The following NBAS variants were observed in gnomAD, a reference collection of about 807,000 sequenced individuals.
The protein encoded by NBAS is NAG/BC035112 fusion.
Under a neutral mutation model 302.5 loss-of-function variants are expected in NBAS, and 219 were observed. The observed-to-expected ratio is 0.72, with a 90% CI of 0.65 to 0.81. NBAS has a LOEUF of 0.81. NBAS is among the 30% of genes least tolerant of loss of function. The pLI is 0.00. For missense variants in NBAS, 2,932 were observed against 2,841.6 expected, an observed-to-expected ratio of 1.03 and a Z score of -0.72; for synonymous variants, 1,118 against 1,021.6, an observed-to-expected ratio of 1.09 and a Z score of -1.80.
intron 25 of NBAS, among the ~76,000 whole-genome samples, chr2:15,404,924 A>C (rs778065574): frequency 2.6e-5 from 4 of 152,280 alleles, no homozygotes; most frequent in Middle Eastern, 6.8e-3. Flanking sequence ...GTAAAGAATA[A>C]ATCTTTTGCC....
At chr2:14,873,277 C>A in the NBAS span, among the ~76,000 whole-genome samples, 1 of 152,202 alleles carries the variant, frequency 6.6e-6, no homozygotes, top group Non-Finnish European at 1.5e-5. Context: ...AACCCTTTAG[C>A]TAGACAGAAA....
chr2:14,787,631 T>A, the NBAS span, among the ~76,000 whole-genome samples: 15 of 152,266 alleles, frequency 9.9e-5, no homozygotes, highest in South Asian at 2.1e-3. Context: ...CTTTTCTTTA[T>A]GAATGTTGGA....
chr2:15,286,969 T>C, intron 42 of NBAS, 104 bp downstream of exon 42: 2 of 934,626 alleles, frequency 2.1e-6, no homozygotes, highest in Non-Finnish European at 1.7e-6. Flanking sequence ...CACTGTAGAT[T>C]AAAGGAAAAC....
intron 9 of NBAS, among the ~76,000 whole-genome samples, chr2:15,514,012 C>T (rs1394404810): frequency 1.3e-5 from 2 of 152,082 alleles, no homozygotes; most frequent in Non-Finnish European, 2.9e-5. Flanking sequence ...GGGGAGAACA[C>T]AGTCTGGATA....
the NBAS span, among the ~76,000 whole-genome samples, chr2:15,090,818 G>A: frequency 3.3e-5 from 5 of 152,246 alleles, no homozygotes; most frequent in South Asian, 4.2e-4. Context: ...CATTTGGAAC[G>A]GCTTTCACAC....
chr2:14,924,199 T>A, the NBAS span, among the ~76,000 whole-genome samples: 39 of 152,258 alleles, frequency 2.6e-4, no homozygotes, highest in Non-Finnish European at 4.1e-4. Flanking sequence ...ACAACGCAAA[T>A]CAAGTTTTTC....
intron 25 of NBAS, among the ~76,000 whole-genome samples, chr2:15,405,080 T>C (rs530009786): frequency 6.6e-6 from 1 of 152,180 alleles, no homozygotes; most frequent in Non-Finnish European, 1.5e-5. Context: ...TACTCCTACC[T>C]GGAATGTCTT....
intron 47 of NBAS, among the ~76,000 whole-genome samples, chr2:15,222,442 C>T (rs1266956171): frequency 6.6e-6 from 1 of 152,142 alleles, no homozygotes; most frequent in Non-Finnish European, 1.5e-5. Context: ...AAGCTGTTGT[C>T]ATGAAGACAA....
chr2:14,862,915 T>A, the NBAS span, among the ~76,000 whole-genome samples: 19 of 152,158 alleles, frequency 1.2e-4, no homozygotes, highest in African/African-American at 4.1e-4. Context: ...AGGTTACTGG[T>A]GTTCCCTGGA....
At chr2:14,812,161 C>T in the NBAS span, among the ~76,000 whole-genome samples, 2 of 152,182 alleles carry the variant, frequency 1.3e-5, no homozygotes, top group Non-Finnish European at 2.9e-5. Context: ...GGGGCCTCAG[C>T]TTCCTGGAGG....
chr2:14,903,037 A>G, the NBAS span, among the ~76,000 whole-genome samples: 1 of 152,140 alleles, frequency 6.6e-6, no homozygotes, highest in Non-Finnish European at 1.5e-5. Flanking sequence ...GTGAAAGGCA[A>G]TTTGTGGCAA....
chr2:14,961,363 T>C, the NBAS span, among the ~76,000 whole-genome samples: 2 of 152,164 alleles, frequency 1.3e-5, no homozygotes, highest in Non-Finnish European at 2.9e-5. Context: ...CCTTCATGAA[T>C]GGCTTGGTGC....
At chr2:14,848,678 T>C in the NBAS span, among the ~76,000 whole-genome samples, 1 of 147,684 alleles carries the variant, frequency 6.8e-6, no homozygotes, top group African/African-American at 2.6e-5. Flanking sequence ...AATGTCCCTG[T>C]CTGACAGCTT....
chr2:14,843,798 T>C, the NBAS span, among the ~76,000 whole-genome samples: 1 of 152,162 alleles, frequency 6.6e-6, no homozygotes, highest in South Asian at 2.1e-4. Flanking sequence ...GGATTGAACT[T>C]GGTGCTGCCC....
At chr2:15,360,286 T>C (rs773604562) in intron 32 of NBAS, among the ~76,000 whole-genome samples, 1 of 149,492 alleles carries the variant, frequency 6.7e-6, no homozygotes, top group Non-Finnish European at 1.5e-5. Flanking sequence ...TAAAAAAATA[T>C]TTTTCTTTCT....
the NBAS span, among the ~76,000 whole-genome samples, chr2:15,022,205 GC>G: frequency 1.3e-5 from 2 of 152,130 alleles, no homozygotes; most frequent in Admixed American, 6.5e-5. Flanking sequence ...GACAATAACA[GC>G]TTCCCCATTC....
chr2:15,334,400 G>C (rs1279889571), intron 35 of NBAS, among the ~76,000 whole-genome samples: 2 of 152,068 alleles, frequency 1.3e-5, no homozygotes, highest in Non-Finnish European at 2.9e-5. Flanking sequence ...GTGTTAGCCA[G>C]GATGGTCTTG....
At chr2:15,411,355 C>G (rs1676678617) in intron 25 of NBAS, among the ~76,000 whole-genome samples, 1 of 152,066 alleles carries the variant, frequency 6.6e-6, no homozygotes, top group Non-Finnish European at 1.5e-5. Context: ...TAACTTCTAC[C>G]CCTCTCTTCA....
At chr2:14,906,245 G>T in the NBAS span, among the ~76,000 whole-genome samples, 1 of 152,328 alleles carries the variant, frequency 6.6e-6, no homozygotes, top group East Asian at 1.9e-4. Flanking sequence ...TGCACAATTT[G>T]TGTCTACGTG....
Sources: gnomAD v4.1 joint callset for allele counts (sites outside exome capture counted in the v4.1 genomes callset) on GRCh38, gnomAD v4.1.1 for gene constraint, MANE v1.5 for transcripts, NCBI Gene and HGNC (gene_info 2026-07-23, HGNC 2026-07-21) for gene names.